The following HIGD1A variants were observed in gnomAD, a reference collection of about 807,000 sequenced individuals.
HIGD1A encodes HIG1 hypoxia inducible domain family member 1A.
Under a neutral mutation model 11.3 loss-of-function variants are expected in HIGD1A, and 8 were observed. The ratio of observed to expected loss-of-function variants is 0.71; its 90% confidence interval spans 0.42 to 1.28. The LOEUF (loss-of-function observed/expected upper bound fraction) is 1.28. Ranked by LOEUF, HIGD1A falls within the 50% of genes most tolerant of loss-of-function variation. HIGD1A has a pLI of 0.01. For synonymous variants in HIGD1A, 32 were observed against 38.4 expected (o/e 0.83, Z 0.62); for missense variants, 107 against 118.8 (o/e 0.90, Z 0.46).
intron 2 of HIGD1A, among the ~76,000 whole-genome samples, chr3:42,792,800 T>C (rs1365362328): frequency 6.6e-6 from 1 of 151,506 alleles, no homozygotes; most frequent in Admixed American, 6.6e-5. Flanking sequence ...GCCAACATGA[T>C]GAAACCCCCA....
At chr3:42,794,054 A>G in intron 2 of HIGD1A, 103 bp downstream of exon 2, 2 of 1,152,864 alleles carry the variant, frequency 1.7e-6, no homozygotes, top group Non-Finnish European at 2.4e-6. Context: ...ATATTTCAAC[A>G]TAAGAAAAAA....
chr3:42,796,578 AC>A (rs1172155128), intron 1 of HIGD1A, among the ~76,000 whole-genome samples: 3 of 152,160 alleles, frequency 2.0e-5, no homozygotes, highest in Admixed American at 2.0e-4. Context: ...TGTGTGGGAG[AC>A]CAGGATTTTT....
At chr3:42,790,434 G>A (rs779555859) in intron 2 of HIGD1A, among the ~76,000 whole-genome samples, 1 of 152,228 alleles carries the variant, frequency 6.6e-6, no homozygotes, top group Non-Finnish European at 1.5e-5. Context: ...TCGGGAGGCT[G>A]AGGCACAAGA....
In HIGD1A at chr3:42,785,999, A is replaced by G. The variant is rs767851125; in HGVS notation, c.232+29T>C. 1.9e-6 allele frequency: 3 copies of G among 1,610,688 alleles called. No individual in the cohort carries two copies. In the South Asian group the frequency reaches 3.3e-5, roughly 18 times the overall value. Reference sequence around the variant, plus strand: ...TAAAGAAATACCTTAATGAGAAACGAAAATTTGAAATTTCCTATAGGAACC... The same window carrying G: ...TAAAGAAATACCTTAATGAGAAACGGAAATTTGAAATTTCCTATAGGAACC... On this transcript the variant is annotated intron_variant, in intron 3 of 3. Coordinates refer to ENST00000321331, the MANE Select transcript of HIGD1A (RefSeq NM_014056.4).
chr3:42,783,712 T>C lies in HIGD1A; in HGVS notation c.*1559A>G, dbSNP rs888155281. Among the ~76,000 whole-genome samples the C allele has an allele frequency of 6.6e-6, 1 of 152,044 alleles. No individual in the cohort carries two copies. The highest frequency in any genetic ancestry group is 2.4e-5 in the African/African-American group (1 of 41,412). ...AGTAGAGGAGGAGGGAAGGAAGAAA[T>C]ATGCTAGGCTTAAATATTGCTCAAA... On this transcript the variant is annotated 3_prime_UTR_variant, in exon 4 of 4. Transcript: ENST00000321331.
intron 2 of HIGD1A, among the ~76,000 whole-genome samples, chr3:42,789,378 A>C (rs1453250499): frequency 6.6e-6 from 1 of 152,036 alleles, no homozygotes; most frequent in Non-Finnish European, 1.5e-5. Flanking sequence ...TACATAAGAA[A>C]ATCTTGGCCA....
At position 42,804,449 on chromosome 3, in the gene HIGD1A, A is replaced by C. The variant is rs1575367514; in HGVS notation, c.-36T>G. On this transcript the variant is annotated 5_prime_UTR_variant, in exon 1 of 4. Transcript: ENST00000321331. ...TGTTTCGCTTACCTAGAGCGAGAAA[A>C]CCTCTCACACCCCAACCGGCTTCCG... 2.1e-6 allele frequency: 1 copy of C among 476,576 alleles called. No homozygotes were observed. The highest frequency in any genetic ancestry group is 3.4e-5 in the South Asian group (1 of 29,550). 29.5% of individuals were successfully genotyped at this position (476,576 alleles called of 1,614,324 possible). A position where few individuals can be genotyped will look rare whatever the true frequency, so the allele number is the denominator to read the frequency against.
At chr3:42,788,164 A>T (rs547675578) in intron 2 of HIGD1A, among the ~76,000 whole-genome samples, 8 of 152,292 alleles carry the variant, frequency 5.3e-5, no homozygotes, top group Non-Finnish European at 8.8e-5. Context: ...AAATTGTAAA[A>T]CCTCTAGGAA....
At chr3:42,796,044 G>A (rs1355531143) in intron 1 of HIGD1A, among the ~76,000 whole-genome samples, 2 of 152,112 alleles carry the variant, frequency 1.3e-5, no homozygotes, top group Non-Finnish European at 2.9e-5. Context: ...TTTTTCATGT[G>A]CATTATGCTC....
At chr3:42,793,991 G>C (rs1700461421) in intron 2 of HIGD1A, among the ~76,000 whole-genome samples, 166 bp downstream of exon 2, 2 of 151,982 alleles carry the variant, frequency 1.3e-5, no homozygotes, top group Admixed American at 6.6e-5. Context: ...AAAAAAGTCT[G>C]AATACATACA....
In HIGD1A at chr3:42,794,177, T is replaced by C. The variant is rs201786791; in HGVS notation, c.77A>G (p.Glu26Gly). 1 of 1,605,184 alleles carries C rather than the reference T, an allele frequency of 6.2e-7. No homozygotes were observed. The highest frequency in any genetic ancestry group is 8.5e-7 in the Non-Finnish European group (1 of 1,177,370). Residue 26 changes from glutamate to glycine, a missense_variant, in exon 2 of 4, where the codon GAG becomes GGG. By Grantham distance (98) the Glu-to-Gly change is moderately conservative (BLOSUM62 -2). Coordinates refer to ENST00000321331, the MANE Select transcript of HIGD1A (RefSeq NM_014056.4). Reference protein sequence around the residue: ...QGSKLIRKAKEAPFVPVGIAG... With the variant: ...QGSKLIRKAKGAPFVPVGIAG... ...CTTACCAACGGGTACGAATGGTGCC[T>C]CTTTAGCTTTTCGAATGAGTTTTGA...
chr3:42,789,501 CAA>C (rs11291677), intron 2 of HIGD1A, among the ~76,000 whole-genome samples: 28 of 127,474 alleles, frequency 2.2e-4, no homozygotes, highest in Non-Finnish European at 2.7e-4. Context: ...CCTGTGTCTA[CAA>C]AAAAAAAAAA....
At chr3:42,803,356 C>T (rs996823538) in intron 1 of HIGD1A, among the ~76,000 whole-genome samples, 13 of 152,322 alleles carry the variant, frequency 8.5e-5, no homozygotes, top group Non-Finnish European at 1.3e-4. Flanking sequence ...TCTAAAGCAA[C>T]GCTGGCTTCA....
At chr3:42,794,318 GAAC>G (rs1338360753) in intron 1 of HIGD1A, 43 bp from the exon 2 acceptor site, 1 of 1,506,804 alleles carries the variant, frequency 6.6e-7, no homozygotes, top group African/African-American at 1.4e-5. Context: ...AAAAGCATCT[GAAC>G]ATTATTAAAT....
rs1291461355 is a variant in HIGD1A, at chr3:42,784,303, C to T, written c.*968G>A. 6.6e-6 allele frequency: 1 copy of T among 152,196 alleles called. No individual in the cohort carries two copies. The highest frequency in any genetic ancestry group is 2.4e-5 in the African/African-American group (1 of 41,454). 9.4% of individuals were successfully genotyped at this position (152,196 alleles called of 1,614,324 possible). On this transcript the variant is annotated 3_prime_UTR_variant, in exon 4 of 4. Coordinates refer to ENST00000321331, the MANE Select transcript of HIGD1A (RefSeq NM_014056.4). ...CATGAAATAAATAAAAGACATTTGA[C>T]ATGGGTCACTTACTTTAATAACAAT... is the stretch of plus-strand genomic sequence containing the variant.
chr3:42,792,274 A>G (rs1342418924), intron 2 of HIGD1A, among the ~76,000 whole-genome samples: 1 of 152,240 alleles, frequency 6.6e-6, no homozygotes, highest in East Asian at 1.9e-4. Context: ...CAGTAGTTTA[A>G]TTGTTAATAA....
intron 1 of HIGD1A, among the ~76,000 whole-genome samples, chr3:42,795,214 A>G (rs962386147): frequency 3.9e-5 from 4 of 103,062 alleles, no homozygotes; most frequent in Admixed American, 2.8e-4. Flanking sequence ...CCAGCTTATG[A>G]TTAGCTTTTT....
intron 2 of HIGD1A, 139 bp downstream of exon 2, chr3:42,794,018 G>A (rs980624616): frequency 1.2e-6 from 1 of 833,412 alleles, no homozygotes; most frequent in Non-Finnish European, 1.8e-6. Flanking sequence ...TCTTTATGAT[G>A]AGATTTATAT....
chr3:42,788,160 T>G (rs1700375337), intron 2 of HIGD1A, among the ~76,000 whole-genome samples: 4 of 152,146 alleles, frequency 2.6e-5, no homozygotes, highest in African/African-American at 9.7e-5. Flanking sequence ...AATAAAATTG[T>G]AAAACCTCTA....
Sources: allele counts gnomAD v4.1 joint callset (sites outside exome capture counted in the v4.1 genomes callset), GRCh38; gene constraint gnomAD v4.1.1; transcripts MANE v1.5; gene names NCBI Gene and HGNC (gene_info 2026-07-23, HGNC 2026-07-21).